Variants in GLO1 observed in about 807,000 individuals in gnomAD.
GLO1 encodes the protein lactoylglutathione lyase.
GLO1 carries 28 observed loss-of-function variants against 26.0 expected under a neutral mutation model. That is an observed-to-expected ratio of 1.08 (90% CI 0.80 to 1.48). The LOEUF (loss-of-function observed/expected upper bound fraction) is 1.48. Among genes scored for constraint, GLO1 ranks in the 40% most tolerant of loss-of-function variants. GLO1 has a pLI of 0.00. For missense variants in GLO1, 225 were observed against 224.8 expected (o/e 1.00, Z -0.01); for synonymous variants, 78 against 77.6 (o/e 1.00, Z -0.03).
At chr6:38,695,681 C>G (rs951518294) in intron 1 of GLO1, among the ~76,000 whole-genome samples, 1 of 152,136 alleles carries the variant, frequency 6.6e-6, no homozygotes, top group Non-Finnish European at 1.5e-5. Context: ...GGGTGAAAAT[C>G]TAGGCTCCCC....
chr6:38,699,525 G>C lies in GLO1; in HGVS notation c.84+3446C>G, dbSNP rs144658163. ...AGAGCCATATTTTTCTTCTTGCAGAGAGCCTATAAACGGACGTGCAAGTAG... is the reference window on the plus strand; with the variant it reads ...AGAGCCATATTTTTCTTCTTGCAGACAGCCTATAAACGGACGTGCAAGTAG... On this transcript the variant is annotated intron_variant, in intron 1 of 5. Transcript: ENST00000373365. Among the ~76,000 whole-genome samples the C allele has an allele frequency of 9.9e-3, 1,503 of 152,266 alleles. 9 individuals are homozygous for C. Among genetic ancestry groups the C allele is most frequent in the Middle Eastern group, 0.058 (17 of 294 alleles).
At chr6:38,694,713 TATA>T (rs1359193208) in intron 1 of GLO1, among the ~76,000 whole-genome samples, 2 of 152,208 alleles carry the variant, frequency 1.3e-5, no homozygotes, top group East Asian at 3.9e-4. Flanking sequence ...GGTCTCCAAC[TATA>T]ATTTTAGATT....
Position 38,682,203 on chromosome 6 carries a change from C to T in GLO1, c.377-102G>A. On this transcript the variant is annotated intron_variant, in intron 4 of 5. Transcript: ENST00000373365. ...ATTCCAAAACTTGTTTATTTCAAAA[C>T]ATAAGGCACTTGGGAACAGACTTAG... The T allele has an allele frequency of 4.0e-6, 3 of 743,276 alleles. No homozygotes were observed. The South Asian group carries it at 4.5e-5, about 11-fold the overall frequency. The allele number at this position is 743,276 out of a possible 1,614,324, so 46.0% of individuals were successfully genotyped here.
intron 5 of GLO1, among the ~76,000 whole-genome samples, chr6:38,677,994 A>G (rs1761289358): frequency 6.6e-6 from 1 of 152,196 alleles, no homozygotes; most frequent in Non-Finnish European, 1.5e-5. Context: ...TTTAAAGAAG[A>G]AAAAGAAAAT....
chr6:38,682,959 C>T lies in GLO1; in HGVS notation c.309-84G>A, dbSNP rs1007892273. On this transcript the variant is annotated intron_variant, in intron 3 of 5. Transcript: ENST00000373365. ...AAGTAACATCTTTGAAATCTTACCA[C>T]GTTTATATGCTACTTTACATAATTG... The T allele has an allele frequency of 3.1e-5, 25 of 814,340 alleles. 1 individual carries two copies. The highest frequency in any genetic ancestry group is 2.2e-4 in the Middle Eastern group (1 of 4,478). The allele number at this position is 814,340 out of a possible 1,614,324, so 50.4% of individuals were successfully genotyped here.
chr6:38,677,591 G>T (rs1761277420), intron 5 of GLO1, among the ~76,000 whole-genome samples: 1 of 151,954 alleles, frequency 6.6e-6, no homozygotes, highest in Non-Finnish European at 1.5e-5. Context: ...CTAATTTTTT[G>T]ATTTTGTAGA....
intron 1 of GLO1, among the ~76,000 whole-genome samples, chr6:38,692,910 A>G (rs1413454585): frequency 6.6e-6 from 1 of 150,410 alleles, no homozygotes; most frequent in African/African-American, 2.5e-5. Flanking sequence ...TTCTTTCTAT[A>G]TATACTGTTG....
intron 4 of GLO1, 48 bp from the exon 5 acceptor site, chr6:38,682,149 A>G (rs753594366): frequency 1.4e-5 from 14 of 1,004,664 alleles, no homozygotes; most frequent in Non-Finnish European, 2.2e-5. Flanking sequence ...AGAAATAATT[A>G]TAACAGGGTG....
intron 1 of GLO1, among the ~76,000 whole-genome samples, chr6:38,693,867 C>T (rs184528339): frequency 8.2e-4 from 124 of 150,582 alleles, no homozygotes; most frequent in Admixed American, 2.5e-3. Context: ...CCCGCCACCA[C>T]GCCTGGCTAA....
chr6:38,679,479 C>G (rs1761334400), intron 5 of GLO1, among the ~76,000 whole-genome samples: 1 of 152,044 alleles, frequency 6.6e-6, no homozygotes, highest in African/African-American at 2.4e-5. Context: ...CATGCCCAGA[C>G]CCAAGGACTA....
rs140507823 is a variant in GLO1, at chr6:38,703,020, G to T, written c.35C>A (p.Thr12Lys). ...GCAGCAACTGAGGGCGGCCTCGTCC[G>T]TGAGGCCGCCGGACGGGGGCTGCGG... ...AEPQPPSGGL[T>K]DEAALSCCSD... Residue 12 changes from threonine to lysine, a missense_variant, in exon 1 of 6, where the codon ACG (threonine) becomes AAG (lysine). Transcript: ENST00000373365. 4 of 1,593,450 alleles carry T rather than the reference G, an allele frequency of 2.5e-6. No individual in the cohort carries two copies. Among genetic ancestry groups the T allele is most frequent in the Non-Finnish European group, 3.4e-6 (4 of 1,166,384 alleles).
At chr6:38,682,157 G>T (rs1339126290) in intron 4 of GLO1, 56 bp from the exon 5 acceptor site, 2 of 945,160 alleles carry the variant, frequency 2.1e-6, no homozygotes, top group African/African-American at 3.2e-5. Flanking sequence ...TTATAACAGG[G>T]TGTCCAAGTA....
intron 1 of GLO1, among the ~76,000 whole-genome samples, chr6:38,693,666 T>C (rs905075023): frequency 7.8e-5 from 7 of 89,612 alleles, no homozygotes. Context: ...CAGCTCTCTC[T>C]CTCTCTCTCT....
At chr6:38,699,243 AT>A (rs1761657076) in intron 1 of GLO1, among the ~76,000 whole-genome samples, 1 of 152,192 alleles carries the variant, frequency 6.6e-6, no homozygotes, top group Non-Finnish European at 1.5e-5. Context: ...TAATATGGAC[AT>A]TTATCAGTTC....
At chr6:38,679,462 G>A (rs1226368289) in intron 5 of GLO1, among the ~76,000 whole-genome samples, 1 of 152,094 alleles carries the variant, frequency 6.6e-6, no homozygotes, top group East Asian at 1.9e-4. Context: ...TTACAGGCAT[G>A]AGCCACCATG....
At chr6:38,686,434 G>T (rs531290130) in intron 2 of GLO1, among the ~76,000 whole-genome samples, 4 of 152,284 alleles carry the variant, frequency 2.6e-5, no homozygotes, top group African/African-American at 9.6e-5. Context: ...AAATAAGTAT[G>T]CTTTAGGATT....
rs1170645548 is a variant in GLO1, at chr6:38,693,685, C to CTATATATA, written c.85-6719_85-6712dup. ...TCTCTCTCTCTCTCTCTCTCTCTCT[C>CTATATATA]TATATATATATATATATATATTTGT... On this transcript the variant is annotated intron_variant, in intron 1 of 5. Coordinates refer to ENST00000373365, the MANE Select transcript of GLO1 (RefSeq NM_006708.3). 3.3e-3 allele frequency among the ~76,000 whole-genome samples: 288 copies of CTATATATA among 86,360 alleles called. 4 individuals are homozygous for CTATATATA. Among genetic ancestry groups the CTATATATA allele is most frequent in the African/African-American group, 0.012 (264 of 22,582 alleles). The allele number at this position is 86,360 out of a possible 152,430, so 56.7% of individuals were successfully genotyped here.
chr6:38,677,386 G>C lies in GLO1; in HGVS notation c.467-3C>G, dbSNP rs774035025. On this transcript the variant is annotated splice_region_variant and splice_polypyrimidine_tract_variant and intron_variant, in intron 5 of 5. Coordinates refer to ENST00000373365, the MANE Select transcript of GLO1 (RefSeq NM_006708.3). ...AAATGCCAGGCCTTTCATTTTACCT[G>C]TAAAATGAAAATTTTCATTATTGAA... 5.2e-6 allele frequency: 7 copies of C among 1,352,130 alleles called. No individual in the cohort carries two copies. In the East Asian group the frequency reaches 1.6e-4, roughly 31 times the overall value. The allele number at this position is 1,352,130 out of a possible 1,614,324, so 83.8% of individuals were successfully genotyped here. A position where few individuals can be genotyped will look rare whatever the true frequency, so the allele number is the denominator to read the frequency against.
intron 1 of GLO1, among the ~76,000 whole-genome samples, chr6:38,690,447 G>A (rs1761513621): frequency 6.6e-6 from 1 of 152,120 alleles, no homozygotes; most frequent in Admixed American, 6.5e-5. Context: ...ATGCTGCGTC[G>A]AGGTATATTA....
Sources: allele counts gnomAD v4.1 joint callset (sites outside exome capture counted in the v4.1 genomes callset), GRCh38; gene constraint gnomAD v4.1.1; transcripts MANE v1.5; gene names NCBI Gene and HGNC (gene_info 2026-07-23, HGNC 2026-07-21).